Variants in HCN1 observed in about 807,000 individuals in gnomAD.
HCN1 encodes potassium/sodium hyperpolarization-activated cyclic nucleotide-gated channel 1.
In HCN1, 13 loss-of-function variants were observed where a neutral mutation model predicts 78.9. The observed-to-expected ratio is 0.16, with a 90% CI of 0.11 to 0.26. HCN1 has a LOEUF of 0.26. Ranked by LOEUF, HCN1 falls within the 10% of genes least tolerant of loss-of-function variation. HCN1 has a pLI of 1.00. For synonymous variants in HCN1, 552 were observed against 455.5 expected (o/e 1.21, Z -2.70); for missense variants, 810 against 1,154.3 (o/e 0.70, Z 4.32).
chr5:45,614,845 AGATTAT>A (rs1744910441), intron 2 of HCN1, among the ~76,000 whole-genome samples: 1 of 152,006 alleles, frequency 6.6e-6, no homozygotes, highest in Non-Finnish European at 1.5e-5. Flanking sequence ...TTCACACTCC[AGATTAT>A]GTCACCCCAC....
Position 45,286,606 on chromosome 5 carries a change from C to T in HCN1, c.1618+16993G>A, listed in dbSNP as rs79881187. 2.0e-3 allele frequency among the ~76,000 whole-genome samples: 311 copies of T among 152,028 alleles called. 12 individuals carry two copies. In the East Asian group the frequency reaches 0.051, roughly 25 times the overall value. ...TCCAATCTGACTGTATTATTGTCAG[C>T]GACTATCAACTGACTTGTTAGTATT... On this transcript the variant is annotated intron_variant, in intron 6 of 7. Transcript: ENST00000303230.
chr5:45,369,099 C>T (rs1489455997), intron 4 of HCN1, among the ~76,000 whole-genome samples: 8 of 143,432 alleles, frequency 5.6e-5, no homozygotes, highest in African/African-American at 2.0e-4. Flanking sequence ...TTTCATGTGG[C>T]TTTTTTTTTT....
chr5:45,549,760 C>G (rs1743321105), intron 2 of HCN1, among the ~76,000 whole-genome samples: 1 of 152,056 alleles, frequency 6.6e-6, no homozygotes, highest in Non-Finnish European at 1.5e-5. Context: ...TGACAAAGGG[C>G]TAATATCCAG....
chr5:45,388,644 T>C (rs772715173), intron 4 of HCN1, among the ~76,000 whole-genome samples: 2 of 152,138 alleles, frequency 1.3e-5, no homozygotes, highest in Non-Finnish European at 2.9e-5. Flanking sequence ...ACACTAAAGT[T>C]TGGAAAGCAT....
chr5:45,496,148 A>G (rs566617715), intron 2 of HCN1, among the ~76,000 whole-genome samples: 141 of 152,096 alleles, frequency 9.3e-4, no homozygotes, highest in Admixed American at 1.5e-3. Context: ...CTCTTTTTCT[A>G]TTGATTGGAA....
In HCN1 at chr5:45,261,882, T is replaced by G. The variant is rs1212211474; in HGVS notation, c.*39A>C. The G allele has an allele frequency of 6.2e-7, 1 of 1,611,740 alleles. No homozygotes were observed. The highest frequency in any genetic ancestry group is 2.2e-5 in the East Asian group (1 of 44,878). ...ATAAGATCTGAGTATAGTCTCAGTT[T>G]ATGAGAGTATTTCTTTCTGCTTTGA... On this transcript the variant is annotated 3_prime_UTR_variant, in exon 8 of 8. Transcript: ENST00000303230.
In HCN1 at chr5:45,639,869, A is replaced by G. The variant is rs1332256493; in HGVS notation, c.849+5316T>C. On this transcript the variant is annotated intron_variant, in intron 2 of 7. Coordinates refer to ENST00000303230, the MANE Select transcript of HCN1 (RefSeq NM_021072.4). ...CTAAAATGTAAATCCCCTGCCTAAAATGTATCAATGGCACCTTTTGATTAA... is the reference window on the plus strand; with the variant it reads ...CTAAAATGTAAATCCCCTGCCTAAAGTGTATCAATGGCACCTTTTGATTAA... Among the ~76,000 whole-genome samples the G allele has an allele frequency of 2.0e-4, 31 of 152,120 alleles. 1 individual carries two copies. Among genetic ancestry groups the G allele is most frequent in the Admixed American group, 2.0e-3 (31 of 15,266 alleles).
rs1025230286 is a variant in HCN1 at position 45,260,888 on chromosome 5, C to T, written c.*1033G>A. Reference sequence around the variant, plus strand: ...TTTCTCTACAATGACTGATTTGAACCTATTTTTTTTTCCCCAGAAGCATGC... The same window carrying T: ...TTTCTCTACAATGACTGATTTGAACTTATTTTTTTTTCCCCAGAAGCATGC... On this transcript the variant is annotated 3_prime_UTR_variant, in exon 8 of 8. Transcript: ENST00000303230. The T allele has an allele frequency of 3.3e-5, 5 of 152,434 alleles. No individual in the cohort carries two copies. The highest frequency in any genetic ancestry group is 7.4e-5 in the Non-Finnish European group (5 of 67,992). 9.4% of individuals were successfully genotyped at this position (152,434 alleles called of 1,614,324 possible). A position where few individuals can be genotyped will look rare whatever the true frequency, so the allele number is the denominator to read the frequency against.
chr5:45,271,630 T>C (rs1275885022), intron 6 of HCN1, among the ~76,000 whole-genome samples: 1 of 152,150 alleles, frequency 6.6e-6, no homozygotes, highest in Non-Finnish European at 1.5e-5. Context: ...CAACATTTTA[T>C]CTGTAAAGTC....
At chr5:45,443,527 AGAT>A (rs1740725213) in intron 3 of HCN1, among the ~76,000 whole-genome samples, 1 of 152,118 alleles carries the variant, frequency 6.6e-6, no homozygotes. Flanking sequence ...TATAGAAAAA[AGAT>A]GCGTTAACTC....
At chr5:45,479,147 G>A (rs1006074100) in intron 2 of HCN1, among the ~76,000 whole-genome samples, 14 of 151,524 alleles carry the variant, frequency 9.2e-5, no homozygotes, top group African/African-American at 2.7e-4. Flanking sequence ...AAAAGAATGA[G>A]TTGAAGAAGA....
chr5:45,354,981 T>C (rs1464827808), intron 4 of HCN1, among the ~76,000 whole-genome samples: 1 of 152,038 alleles, frequency 6.6e-6, no homozygotes, highest in Non-Finnish European at 1.5e-5. Flanking sequence ...GCTCTATCTC[T>C]GTCTCTGAAT....
Position 45,524,622 on chromosome 5 carries a change from G to A in HCN1, c.850-62615C>T, listed in dbSNP as rs540458145. On this transcript the variant is annotated intron_variant, in intron 2 of 7. Coordinates refer to ENST00000303230, the MANE Select transcript of HCN1 (RefSeq NM_021072.4). ...GTATTTTATTCTCTTTGAAGCAATT[G>A]TGAATGGGCGTTCACTCATGATTTG... Among the ~76,000 whole-genome samples, 349 of 152,196 alleles carry A rather than the reference G, an allele frequency of 2.3e-3. 1 individual carries two copies. The highest frequency in any genetic ancestry group is 8.0e-3 in the African/African-American group (331 of 41,506).
At chr5:45,358,574 C>T (rs1415151155) in intron 4 of HCN1, among the ~76,000 whole-genome samples, 1 of 152,102 alleles carries the variant, frequency 6.6e-6, no homozygotes, top group African/African-American at 2.4e-5. Flanking sequence ...TCCTCCAACT[C>T]TAACTCATTT....
At chr5:45,663,917 A>T (rs1745976292) in intron 1 of HCN1, among the ~76,000 whole-genome samples, 1 of 143,380 alleles carries the variant, frequency 7.0e-6, no homozygotes, top group East Asian at 2.2e-4. Flanking sequence ...TCAGGGATCT[A>T]GAACTAGAAA....
At chr5:45,388,307 AT>A (rs1404967160) in intron 4 of HCN1, among the ~76,000 whole-genome samples, 6 of 152,112 alleles carry the variant, frequency 3.9e-5, no homozygotes, top group African/African-American at 1.4e-4. Context: ...GTTAGAAAAA[AT>A]TTCTCAGCCT....
intron 1 of HCN1, among the ~76,000 whole-genome samples, chr5:45,659,956 C>T (rs1745890695): frequency 6.8e-6 from 1 of 146,068 alleles, no homozygotes; most frequent in Admixed American, 6.9e-5. Context: ...ACAGAGAACG[C>T]CACAAAGATA....
intron 4 of HCN1, among the ~76,000 whole-genome samples, chr5:45,372,874 G>A (rs866354806): frequency 7.1e-6 from 1 of 141,194 alleles, no homozygotes; most frequent in Non-Finnish European, 1.5e-5. Flanking sequence ...AAATATGTAC[G>A]TATTCTATAC....
At chr5:45,600,704 C>A (rs1224222707) in intron 2 of HCN1, among the ~76,000 whole-genome samples, 1 of 152,078 alleles carries the variant, frequency 6.6e-6, no homozygotes, top group Non-Finnish European at 1.5e-5. Context: ...TTGAACAAAC[C>A]CCTTTCTGTC....
Sources: gnomAD v4.1 joint callset for allele counts (sites outside exome capture counted in the v4.1 genomes callset) on GRCh38, gnomAD v4.1.1 for gene constraint, MANE v1.5 for transcripts, NCBI Gene and HGNC (gene_info 2026-07-23, HGNC 2026-07-21) for gene names.